IL1RAPL1: variants seen among roughly 807,000 people sequenced by gnomAD.
The protein encoded by IL1RAPL1 is interleukin-1 receptor accessory protein-like 1.
In IL1RAPL1, 3 loss-of-function variants were observed where a neutral mutation model predicts 48.4. The observed-to-expected ratio is 0.06, with a 90% CI of 0.03 to 0.16. The LOEUF (loss-of-function observed/expected upper bound fraction) is 0.16. Ranked by LOEUF, IL1RAPL1 falls within the 10% of genes least tolerant of loss-of-function variation. The pLI, the probability that IL1RAPL1 is intolerant of heterozygous loss-of-function variation, is 1.00. For synonymous variants in IL1RAPL1, 185 were observed against 187.7 expected, an observed-to-expected ratio of 0.99 and a Z score of 0.12; for missense variants, 349 against 530.6, an observed-to-expected ratio of 0.66 and a Z score of 3.36.
At chrX:29,321,876 T>C (rs1481477085) in intron 3 of IL1RAPL1, among the ~76,000 whole-genome samples, 4 of 111,861 alleles carry the variant, frequency 3.6e-5, no homozygotes, top group Admixed American at 1.9e-4. Flanking sequence ...AATCAAAACA[T>C]AAGCAATACA....
chrX:28,648,807 G>A (rs1464802034), intron 1 of IL1RAPL1, among the ~76,000 whole-genome samples: 2 of 111,865 alleles, frequency 1.8e-5, no homozygotes, highest in African/African-American at 6.5e-5. Flanking sequence ...GAAAGTCCCT[G>A]TAACGAACAA....
At chrX:28,710,675 T>G (rs1249102543) in intron 1 of IL1RAPL1, among the ~76,000 whole-genome samples, 6 of 111,592 alleles carry the variant, frequency 5.4e-5, no homozygotes, top group Non-Finnish European at 9.4e-5. Context: ...GTAGCTACTT[T>G]GAAAAAATGG....
At chrX:28,789,088 T>G (rs1225771437) in intron 1 of IL1RAPL1, among the ~76,000 whole-genome samples, 6 of 111,780 alleles carry the variant, frequency 5.4e-5, no homozygotes, top group Non-Finnish European at 1.9e-5. Flanking sequence ...ACATAAGATT[T>G]TAAAGCATTT....
chrX:28,783,884 A>G (rs1936447467), intron 1 of IL1RAPL1, among the ~76,000 whole-genome samples: 1 of 111,648 alleles, frequency 9.0e-6, no homozygotes, highest in African/African-American at 3.3e-5. Flanking sequence ...GTCTCTCATA[A>G]CATGTATCCC....
At chrX:29,937,147 T>A (rs1933047618) in intron 8 of IL1RAPL1, among the ~76,000 whole-genome samples, 1 of 112,219 alleles carries the variant, frequency 8.9e-6, no homozygotes, top group Non-Finnish European at 1.9e-5. Flanking sequence ...TTTTCAATAT[T>A]CAGTCTCAGT....
intron 5 of IL1RAPL1, among the ~76,000 whole-genome samples, chrX:29,445,287 A>G (rs1295204967): frequency 8.9e-6 from 1 of 112,207 alleles, no homozygotes; most frequent in Non-Finnish European, 1.9e-5. Flanking sequence ...CCATGCACTA[A>G]AAGGCACACC....
chrX:28,847,567 G>GT (rs1921542943), intron 2 of IL1RAPL1, among the ~76,000 whole-genome samples: 1 of 111,073 alleles, frequency 9.0e-6, no homozygotes, highest in African/African-American at 3.3e-5. Flanking sequence ...ATCCATTAGT[G>GT]TTTTCCCCTT....
At chrX:29,133,367 G>A (rs1040459257) in intron 2 of IL1RAPL1, among the ~76,000 whole-genome samples, 4 of 112,263 alleles carry the variant, frequency 3.6e-5, no homozygotes, top group Non-Finnish European at 3.8e-5. Context: ...TCTTGCTCCA[G>A]ATCACTGGCT....
intron 5 of IL1RAPL1, among the ~76,000 whole-genome samples, chrX:29,564,152 C>T (rs948855398): frequency 1.8e-5 from 2 of 111,635 alleles, no homozygotes; most frequent in African/African-American, 6.5e-5. Flanking sequence ...AATCTGTGTC[C>T]TGGAACTTGC....
chrX:29,357,389 G>A (rs1170822609), intron 3 of IL1RAPL1, among the ~76,000 whole-genome samples: 1 of 111,946 alleles, frequency 8.9e-6, no homozygotes, highest in Admixed American at 9.5e-5. Context: ...TAGGTCACAT[G>A]CAGACTAAAT....
intron 6 of IL1RAPL1, among the ~76,000 whole-genome samples, chrX:29,726,429 T>C (rs1289598702): frequency 8.9e-6 from 1 of 112,103 alleles, no homozygotes; most frequent in Non-Finnish European, 1.9e-5. Flanking sequence ...GTAAAATTAG[T>C]ATTTGTACTC....
chrX:28,903,407 A>G (rs1208785298), intron 2 of IL1RAPL1, among the ~76,000 whole-genome samples: 1 of 91,774 alleles, frequency 1.1e-5, no homozygotes, highest in Non-Finnish European at 2.1e-5. Context: ...AGCTTCAGTC[A>G]TGTATTTTCT....
At chrX:29,348,457 T>A (rs1411454576) in intron 3 of IL1RAPL1, among the ~76,000 whole-genome samples, 6 of 112,118 alleles carry the variant, frequency 5.4e-5, no homozygotes, top group Admixed American at 4.7e-4. Flanking sequence ...AGTTAACAAC[T>A]CATTAACAAG....
chrX:28,660,322 C>CT (rs1192849826), intron 1 of IL1RAPL1, among the ~76,000 whole-genome samples: 1 of 110,650 alleles, frequency 9.0e-6, no homozygotes, highest in Non-Finnish European at 1.9e-5. Flanking sequence ...TGTTTCTTCT[C>CT]TTTTTTATCC....
chrX:29,350,529 A>T (rs977142797), intron 3 of IL1RAPL1, among the ~76,000 whole-genome samples: 1 of 106,614 alleles, frequency 9.4e-6, no homozygotes, highest in East Asian at 3.0e-4. Context: ...TTTTCCTCCC[A>T]CATCCAAGAT....
rs992103985 is a variant in IL1RAPL1 at position 28,623,248 on chromosome X, G to A, written c.-25+35201G>A. ...TCAGGTGAGACTCTCTGAGAGAGCCGTTATACTGTCTGTGCATCCTTCGTC... is the reference window on the plus strand; with the variant it reads ...TCAGGTGAGACTCTCTGAGAGAGCCATTATACTGTCTGTGCATCCTTCGTC... On this transcript the variant is annotated intron_variant, in intron 1 of 10. Transcript: ENST00000378993. Among the ~76,000 whole-genome samples the A allele has an allele frequency of 9.0e-5, 10 of 111,390 alleles. No homozygotes were observed. The South Asian group carries it at 1.1e-3, about 13-fold the overall frequency.
chrX:29,895,221 A>G (rs919915328), intron 6 of IL1RAPL1, among the ~76,000 whole-genome samples: 4 of 111,637 alleles, frequency 3.6e-5, no homozygotes, highest in Non-Finnish European at 7.5e-5. Context: ...AGTCTTGTTC[A>G]CTGAAGAGTC....
At chrX:29,779,854 T>C (rs1187590077) in intron 6 of IL1RAPL1, among the ~76,000 whole-genome samples, 1 of 111,448 alleles carries the variant, frequency 9.0e-6, no homozygotes, top group Admixed American at 9.5e-5. Context: ...TCATTAGCTA[T>C]TGAAAATAAT....
At chrX:29,469,122 A>G (rs989503939) in intron 5 of IL1RAPL1, among the ~76,000 whole-genome samples, 5 of 111,994 alleles carry the variant, frequency 4.5e-5, no homozygotes, top group African/African-American at 1.6e-4. Context: ...CTTGTGCCAA[A>G]TTTTCTTTTC....
Sources: allele counts gnomAD v4.1 joint callset (sites outside exome capture counted in the v4.1 genomes callset), GRCh38; gene constraint gnomAD v4.1.1; transcripts MANE v1.5; gene names NCBI Gene and HGNC (gene_info 2026-07-23, HGNC 2026-07-21).